The following PRKAG2 variants were observed in gnomAD, a reference collection of about 807,000 sequenced individuals.
PRKAG2 encodes the protein protein kinase AMP-activated non-catalytic subunit gamma 2.
Under a neutral mutation model 69.6 loss-of-function variants are expected in PRKAG2, and 26 were observed. The observed-to-expected ratio is 0.37, with a 90% CI of 0.27 to 0.52. The LOEUF (loss-of-function observed/expected upper bound fraction) is 0.52. Ranked by LOEUF, PRKAG2 falls within the 20% of genes least tolerant of loss-of-function variation. The pLI, the probability that PRKAG2 is intolerant of heterozygous loss-of-function variation, is 0.90. For synonymous variants in PRKAG2, 293 were observed against 285.0 expected (o/e 1.03, Z -0.28); for missense variants, 557 against 740.0 (o/e 0.75, Z 2.87).
intron 1 of PRKAG2, among the ~76,000 whole-genome samples, chr7:151,863,241 G>A (rs527502456): frequency 1.6e-4 from 25 of 151,956 alleles, no homozygotes; most frequent in African/African-American, 3.9e-4. Context: ...CCCAGGTACA[G>A]GGGGCACTGG....
chr7:151,754,348 G>C (rs1201616722), intron 3 of PRKAG2, among the ~76,000 whole-genome samples: 1 of 152,236 alleles, frequency 6.6e-6, no homozygotes, highest in Non-Finnish European at 1.5e-5. Flanking sequence ...AGGAAACTTG[G>C]ATGCCGCACA....
chr7:151,593,177 T>C (rs549099235), intron 6 of PRKAG2, among the ~76,000 whole-genome samples: 2 of 152,244 alleles, frequency 1.3e-5, no homozygotes, highest in South Asian at 4.1e-4. Context: ...AGCTGTTACT[T>C]GTTATTATTA....
rs567539729 is a variant in PRKAG2 at position 151,572,543 on chromosome 7, A to G, written c.1051+121T>C. On this transcript the variant is annotated intron_variant, in intron 9 of 15. Coordinates refer to ENST00000287878, the MANE Select transcript of PRKAG2 (RefSeq NM_016203.4). The stretch of plus-strand genomic sequence containing the variant: ...TATCAAAATTAACAGAAATAAAGAG[A>G]ATGTTTTATATAACATTTTATGGAG... The G allele has an allele frequency of 5.3e-6, 4 of 748,200 alleles. No homozygotes were observed. In the East Asian group the frequency reaches 1.0e-4, roughly 19 times the overall value. The allele number at this position is 748,200 out of a possible 1,614,324, so 46.3% of individuals were successfully genotyped here.
chr7:151,660,010 G>C (rs1250530418), intron 4 of PRKAG2, among the ~76,000 whole-genome samples: 1 of 152,194 alleles, frequency 6.6e-6, no homozygotes, highest in African/African-American at 2.4e-5. Context: ...AGTGAGCTAT[G>C]ATCATGCCAC....
chr7:151,733,119 T>C (rs1799224121), intron 3 of PRKAG2, among the ~76,000 whole-genome samples: 1 of 152,216 alleles, frequency 6.6e-6, no homozygotes, highest in African/African-American at 2.4e-5. Flanking sequence ...TCACTCAGTG[T>C]ATCCACGCCC....
At chr7:151,870,723 G>A (rs927510198) in intron 1 of PRKAG2, among the ~76,000 whole-genome samples, 1 of 152,220 alleles carries the variant, frequency 6.6e-6, no homozygotes, top group African/African-American at 2.4e-5. Flanking sequence ...GCAGGAGCTG[G>A]GTGCAAAGGT....
At chr7:151,837,709 T>C (rs183333997) in intron 1 of PRKAG2, among the ~76,000 whole-genome samples, 2 of 152,274 alleles carry the variant, frequency 1.3e-5, no homozygotes, top group African/African-American at 2.4e-5. Flanking sequence ...AACACCTTTA[T>C]AATTTCCCCT....
chr7:151,692,409 G>A (rs895811469), intron 3 of PRKAG2, among the ~76,000 whole-genome samples: 2 of 151,826 alleles, frequency 1.3e-5, no homozygotes, highest in African/African-American at 2.4e-5. Context: ...AAATTATAGC[G>A]GACAGAAAAA....
chr7:151,747,018 T>C (rs1042172081), intron 3 of PRKAG2, among the ~76,000 whole-genome samples: 2 of 152,110 alleles, frequency 1.3e-5, no homozygotes, highest in Admixed American at 6.5e-5. Flanking sequence ...TCGCAGCAAA[T>C]TGTGATGGGG....
intron 3 of PRKAG2, among the ~76,000 whole-genome samples, chr7:151,701,003 T>C (rs1837594268): frequency 6.6e-6 from 1 of 152,074 alleles, no homozygotes; most frequent in Non-Finnish European, 1.5e-5. Flanking sequence ...GCCAACTGAG[T>C]CATGCAATGT....
intron 4 of PRKAG2, among the ~76,000 whole-genome samples, chr7:151,642,538 A>G (rs1826913420): frequency 6.6e-6 from 1 of 152,206 alleles, no homozygotes; most frequent in African/African-American, 2.4e-5. Context: ...CTCCCCAAAA[A>G]GAAGTGTATT....
At chr7:151,715,671 A>T (rs1366501548) in intron 3 of PRKAG2, among the ~76,000 whole-genome samples, 2 of 152,194 alleles carry the variant, frequency 1.3e-5, no homozygotes, top group African/African-American at 4.8e-5. Flanking sequence ...CAAATTTTTT[A>T]AAAATTCCAA....
At chr7:151,794,184 C>T (rs1264771140) in intron 1 of PRKAG2, among the ~76,000 whole-genome samples, 1 of 152,214 alleles carries the variant, frequency 6.6e-6, no homozygotes, top group Non-Finnish European at 1.5e-5. Context: ...TTGAGGAAGT[C>T]CCCTGCTCCA....
chr7:151,707,165 T>A (rs1434874140), intron 3 of PRKAG2, among the ~76,000 whole-genome samples: 4 of 152,204 alleles, frequency 2.6e-5, no homozygotes, highest in Non-Finnish European at 5.9e-5. Context: ...CTGGACCATG[T>A]CATGAAACCC....
In PRKAG2 at chr7:151,651,197, T is replaced by C. The variant is rs770512120; in HGVS notation, c.685-19059A>G. ...GTTATTAAGAAATGCTTTTTAGTTA[T>C]TGTGTAACAAAATGTGTTCCTATTT... On this transcript the variant is annotated intron_variant, in intron 4 of 15. Coordinates refer to ENST00000287878, the MANE Select transcript of PRKAG2 (RefSeq NM_016203.4). 1.8e-4 allele frequency among the ~76,000 whole-genome samples: 27 copies of C among 152,376 alleles called. 2 individuals are homozygous for C. The Middle Eastern group carries it at 0.027, about 154-fold the overall frequency.
intron 3 of PRKAG2, among the ~76,000 whole-genome samples, chr7:151,701,396 G>T (rs1837661358): frequency 6.6e-6 from 1 of 152,166 alleles, no homozygotes. Flanking sequence ...TTAGACATAG[G>T]GTCATTGCAG....
chr7:151,584,100 A>G (rs993083865), intron 6 of PRKAG2, among the ~76,000 whole-genome samples: 2 of 152,208 alleles, frequency 1.3e-5, no homozygotes, highest in Non-Finnish European at 2.9e-5. Flanking sequence ...GTCCAGGCCC[A>G]GGCCTCCCTT....
At chr7:151,773,044 AGAGAGAGAGG>A (rs1242693080) in intron 3 of PRKAG2, among the ~76,000 whole-genome samples, 527 of 33,624 alleles carry the variant, frequency 0.016, 29 homozygotes, top group East Asian at 0.11. Flanking sequence ...AGAGAGAGAG[AGAGAGAGAGG>A]GAGGGAGGGA....
intron 3 of PRKAG2, among the ~76,000 whole-genome samples, chr7:151,683,128 G>A (rs752896003): frequency 6.6e-6 from 1 of 152,248 alleles, no homozygotes; most frequent in Non-Finnish European, 1.5e-5. Context: ...ACAGCCCAGC[G>A]AGGGAACAGA....
Sources: gnomAD v4.1 joint callset for allele counts (sites outside exome capture counted in the v4.1 genomes callset) on GRCh38, gnomAD v4.1.1 for gene constraint, MANE v1.5 for transcripts, NCBI Gene and HGNC (gene_info 2026-07-23, HGNC 2026-07-21) for gene names.